Variants in AKAP19 observed in about 807,000 individuals in gnomAD.
AKAP19 encodes A-kinase anchoring protein 19.
the AKAP19 span, among the ~76,000 whole-genome samples, chr2:189,880,856 T>A: frequency 6.6e-6 from 1 of 152,284 alleles, no homozygotes; most frequent in East Asian, 1.9e-4. Flanking sequence ...ATACCAGTAA[T>A]GATACTAAAA....
the AKAP19 span, among the ~76,000 whole-genome samples, chr2:190,038,110 T>C: frequency 7.2e-5 from 11 of 152,180 alleles, no homozygotes; most frequent in African/African-American, 9.7e-5. Flanking sequence ...TCTTGATGCA[T>C]CTGCTTTAAT....
the AKAP19 span, among the ~76,000 whole-genome samples, chr2:190,013,978 T>C: frequency 6.6e-6 from 1 of 152,192 alleles, no homozygotes; most frequent in Non-Finnish European, 1.5e-5. Context: ...ACTTTGGGTT[T>C]AGTTGTTCTT....
the AKAP19 span, among the ~76,000 whole-genome samples, chr2:189,958,662 A>G: frequency 1.4e-4 from 21 of 151,348 alleles, no homozygotes; most frequent in African/African-American, 5.1e-4. Flanking sequence ...AAATGGTTGT[A>G]GTAGCACTGG....
At chr2:190,142,270 A>G in the AKAP19 span, among the ~76,000 whole-genome samples, 1 of 152,212 alleles carries the variant, frequency 6.6e-6, no homozygotes, top group South Asian at 2.1e-4. Flanking sequence ...CAGTTTCATT[A>G]CTTCCATTTA....
At chr2:189,880,684 C>T in the AKAP19 span, among the ~76,000 whole-genome samples, 2 of 152,222 alleles carry the variant, frequency 1.3e-5, no homozygotes, top group African/African-American at 4.8e-5. Flanking sequence ...GATGACTCAG[C>T]TTTCAGCTTA....
At chr2:190,107,514 G>A in the AKAP19 span, among the ~76,000 whole-genome samples, 1 of 152,096 alleles carries the variant, frequency 6.6e-6, no homozygotes, top group Non-Finnish European at 1.5e-5. Flanking sequence ...TTTAGTTTAA[G>A]AAATATGGAA....
the AKAP19 span, among the ~76,000 whole-genome samples, chr2:190,063,008 A>G: frequency 1.3e-5 from 2 of 152,140 alleles, no homozygotes; most frequent in Non-Finnish European, 2.9e-5. Context: ...CTTAAATCTT[A>G]CTAATCCTCA....
At chr2:190,198,229 G>A in the AKAP19 span, among the ~76,000 whole-genome samples, 1 of 152,090 alleles carries the variant, frequency 6.6e-6, no homozygotes, top group Admixed American at 6.5e-5. Flanking sequence ...TGAGAAACTG[G>A]GTAGAATTTA....
At chr2:189,919,653 G>A in the AKAP19 span, among the ~76,000 whole-genome samples, 1 of 152,152 alleles carries the variant, frequency 6.6e-6, no homozygotes, top group South Asian at 2.1e-4. Context: ...TTGGTTTTCT[G>A]TTCCTGTGTT....
At chr2:190,189,731 C>T in the AKAP19 span, 2 of 152,238 alleles carry the variant, frequency 1.3e-5, no homozygotes, top group African/African-American at 4.8e-5. Context: ...AAAAGACTCT[C>T]ACATCCAATT....
chr2:190,089,471 C>T, the AKAP19 span: 1 of 151,958 alleles, frequency 6.6e-6, no homozygotes, highest in Non-Finnish European at 1.5e-5. Flanking sequence ...ATTCTATGTA[C>T]ACCTGAAAAA....
At chr2:189,983,823 G>A in the AKAP19 span, among the ~76,000 whole-genome samples, 8 of 152,298 alleles carry the variant, frequency 5.3e-5, no homozygotes, top group East Asian at 1.9e-4. Context: ...TTTCCTAAGC[G>A]TTGGCAGGCT....
At chr2:189,993,944 C>CA in the AKAP19 span, among the ~76,000 whole-genome samples, 3 of 151,540 alleles carry the variant, frequency 2.0e-5, no homozygotes, top group South Asian at 6.3e-4. Flanking sequence ...TTTGTCTTGT[C>CA]AAAAAGTCGG....
chr2:189,970,308 ACT>A, the AKAP19 span, among the ~76,000 whole-genome samples: 1 of 152,060 alleles, frequency 6.6e-6, no homozygotes, highest in Admixed American at 6.6e-5. Flanking sequence ...TAATGTTGAA[ACT>A]CTGTGTAATT....
the AKAP19 span, among the ~76,000 whole-genome samples, chr2:190,193,929 T>C: frequency 8.9e-4 from 135 of 152,348 alleles, 2 homozygotes; most frequent in East Asian, 0.021. Flanking sequence ...TTTAAGTATA[T>C]AAATTTCCTT....
At chr2:190,150,587 C>A in the AKAP19 span, 3 of 153,616 alleles carry the variant, frequency 2.0e-5, no homozygotes, top group Admixed American at 2.0e-4. Flanking sequence ...AGGAGCAGTC[C>A]ACTTCCTTCA....
At chr2:189,995,534 T>C in the AKAP19 span, among the ~76,000 whole-genome samples, 1 of 152,220 alleles carries the variant, frequency 6.6e-6, no homozygotes, top group Non-Finnish European at 1.5e-5. Flanking sequence ...CTCCTGAAGA[T>C]AGAAGATACT....
At chr2:189,956,177 C>CTTTTT in the AKAP19 span, among the ~76,000 whole-genome samples, 17 of 122,946 alleles carry the variant, frequency 1.4e-4, 6 homozygotes, top group Non-Finnish European at 1.9e-4. Flanking sequence ...TCTTTTTTTT[C>CTTTTT]TTTTTTTTTT....
chr2:189,929,477 TAAC>T, the AKAP19 span, among the ~76,000 whole-genome samples: 15 of 152,160 alleles, frequency 9.9e-5, no homozygotes, highest in Non-Finnish European at 4.4e-5. Flanking sequence ...ATCACCATAT[TAAC>T]AACCAAAATA....
Sources: gnomAD v4.1 joint callset for allele counts (sites outside exome capture counted in the v4.1 genomes callset) on GRCh38, gnomAD v4.1.1 for gene constraint, MANE v1.5 for transcripts, NCBI Gene and HGNC (gene_info 2026-07-23, HGNC 2026-07-21) for gene names.